PPARG: variants seen among roughly 807,000 people sequenced by gnomAD.
The protein encoded by PPARG is peroxisome proliferator activated receptor gamma.
In PPARG, 17 loss-of-function variants were observed where a neutral mutation model predicts 39.2. The ratio of observed to expected loss-of-function variants is 0.43; its 90% CI spans 0.30 to 0.65. The LOEUF is 0.65. Among genes scored for constraint, PPARG ranks in the 30% least tolerant of loss-of-function variants. PPARG has a pLI of 0.13. For synonymous variants in PPARG, 223 were observed against 215.7 expected (o/e 1.03, Z -0.30); for missense variants, 406 against 585.9 (o/e 0.69, Z 3.17).
chr3:12,429,455 C>T (rs184091862), intron 7 of PPARG, among the ~76,000 whole-genome samples: 4 of 150,886 alleles, frequency 2.7e-5, no homozygotes, highest in Non-Finnish European at 5.9e-5. Flanking sequence ...CGGTGGCTCC[C>T]GCTTGTCATC....
chr3:12,296,254 C>CAAAAAAA (rs545210244), intron 1 of PPARG, among the ~76,000 whole-genome samples: 115 of 48,256 alleles, frequency 2.4e-3, no homozygotes, highest in Non-Finnish European at 3.0e-3. Context: ...CACTTTGTCT[C>CAAAAAAA]AAAAAAAAAA....
chr3:12,422,873 T>A (rs1288404800), intron 7 of PPARG, among the ~76,000 whole-genome samples: 1 of 132,214 alleles, frequency 7.6e-6, no homozygotes, highest in African/African-American at 3.2e-5. Context: ...CAGAGTGAGA[T>A]CCTGTCTCAA....
At chr3:12,381,157 C>G (rs552489820) in intron 3 of PPARG, among the ~76,000 whole-genome samples, 165 bp from the exon 4 acceptor site, 3 of 152,218 alleles carry the variant, frequency 2.0e-5, no homozygotes, top group African/African-American at 7.2e-5. Context: ...GATTACAAAC[C>G]TTTCTTTTTC....
At position 12,381,470 on chromosome 3, in the gene PPARG, T is replaced by A. The variant is rs751417943; in HGVS notation, c.369T>A (p.Val123=). Residue 123 remains valine (V), a synonymous_variant, in exon 4 of 8, where the codon GTT becomes GTA. Coordinates refer to ENST00000651735, the MANE Select transcript of PPARG (RefSeq NM_138711.6). The part of the protein sequence containing the change: ...GDKASGFHYG[V]HACEGCKGFF... Reference sequence around the variant, plus strand: ...AAGCTTCTGGATTTCACTATGGAGTTCATGCTTGTGAAGGATGCAAGGTAA... The same window carrying A: ...AAGCTTCTGGATTTCACTATGGAGTACATGCTTGTGAAGGATGCAAGGTAA... 12 of 1,613,600 alleles carry A rather than the reference T, an allele frequency of 7.4e-6. No individual in the cohort carries two copies. The highest frequency in any genetic ancestry group is 1.0e-5 in the Non-Finnish European group (12 of 1,179,706).
At chr3:12,379,445 G>C (rs983921179) in intron 2 of PPARG, among the ~76,000 whole-genome samples, 3 of 152,160 alleles carry the variant, frequency 2.0e-5, no homozygotes, top group African/African-American at 4.8e-5. Flanking sequence ...TTGGCAAAAA[G>C]GCATTTATAT....
At chr3:12,344,578 A>G (rs963630222) in intron 2 of PPARG, among the ~76,000 whole-genome samples, 1 of 152,218 alleles carries the variant, frequency 6.6e-6, no homozygotes, top group African/African-American at 2.4e-5. Flanking sequence ...TGAAGAAAAT[A>G]TGTCTACTTC....
rs869086237 is a variant in PPARG at position 12,417,902 on chromosome 3, C to CTTTTTTTTTTTTTTTTTTT, written c.1180+753_1180+771dup. Among the ~76,000 whole-genome samples, 79 of 65,892 alleles carry CTTTTTTTTTTTTTTTTTTT rather than the reference C, an allele frequency of 1.2e-3. 4 individuals carry two copies. Among genetic ancestry groups the CTTTTTTTTTTTTTTTTTTT allele is most frequent in the African/African-American group, 1.8e-3 (31 of 16,962 alleles). 43.2% of individuals were successfully genotyped at this position (65,892 alleles called of 152,430 possible). Reference sequence around the variant, plus strand: ...CTTTTTTTTTTCTTTTTTTTTTTTCCTTTTTTTTTTTTTTTTTTTTTTTGT... The same window carrying CTTTTTTTTTTTTTTTTTTT: ...CTTTTTTTTTTCTTTTTTTTTTTTCCTTTTTTTTTTTTTTTTTTTTTTTTTTTTTTTTTTTTTTTTTTGT... On this transcript the variant is annotated intron_variant, in intron 7 of 7. Coordinates refer to ENST00000651735, the MANE Select transcript of PPARG (RefSeq NM_138711.6).
At chr3:12,384,558 A>G (rs1263966127) in intron 4 of PPARG, among the ~76,000 whole-genome samples, 1 of 152,172 alleles carries the variant, frequency 6.6e-6, no homozygotes, top group Non-Finnish European at 1.5e-5. Context: ...TTTCTCATCT[A>G]GAAAATGATT....
chr3:12,433,800 G>C, intron 7 of PPARG, 98 bp from the exon 8 acceptor site: 3 of 1,553,518 alleles, frequency 1.9e-6, no homozygotes, highest in Non-Finnish European at 2.7e-6. Flanking sequence ...CAAAAATACA[G>C]ATGAGTTGCT....
At chr3:12,379,165 C>T (rs1200770323) in intron 2 of PPARG, among the ~76,000 whole-genome samples, 2 of 151,890 alleles carry the variant, frequency 1.3e-5, no homozygotes, top group African/African-American at 2.4e-5. Context: ...CTACCACACC[C>T]GGCCAATTTT....
At chr3:12,377,521 A>T (rs1483138527) in intron 2 of PPARG, among the ~76,000 whole-genome samples, 4 of 152,210 alleles carry the variant, frequency 2.6e-5, no homozygotes, top group Admixed American at 6.5e-5. Flanking sequence ...TCCCTTTAAA[A>T]TTTTTTTATT....
chr3:12,363,680 A>C (rs564631421), intron 2 of PPARG, among the ~76,000 whole-genome samples: 1 of 152,272 alleles, frequency 6.6e-6, no homozygotes, highest in Middle Eastern at 3.4e-3. Flanking sequence ...GTACTCTGGC[A>C]GATCTGCGGT....
At chr3:12,431,422 C>A (rs2051654878) in intron 7 of PPARG, among the ~76,000 whole-genome samples, 1 of 151,500 alleles carries the variant, frequency 6.6e-6, no homozygotes, top group African/African-American at 2.4e-5. Flanking sequence ...ACAAAGAATA[C>A]CAAATCAAAT....
At position 12,379,554 on chromosome 3, in the gene PPARG, T is replaced by C. The variant is rs569317144; in HGVS notation, c.-8-150T>C. On this transcript the variant is annotated intron_variant, in intron 2 of 7. Coordinates refer to ENST00000651735, the MANE Select transcript of PPARG (RefSeq NM_138711.6). ...TATCATAAAACAGCCTAGACAGCAC[T>C]AAGAAGGTGGTTATGTTCTTTTCTG... is the stretch of plus-strand genomic sequence containing the variant. 1.5e-3 allele frequency: 1,063 copies of C among 711,572 alleles called. 8 individuals are homozygous for C. The highest frequency in any genetic ancestry group is 1.1e-4 in the Non-Finnish European group (47 of 412,006). 44.1% of individuals were successfully genotyped at this position (711,572 alleles called of 1,614,324 possible). A position where few individuals can be genotyped will look rare whatever the true frequency, so the allele number is the denominator to read the frequency against.
At chr3:12,406,532 CTTTTTTT>C (rs10540594) in intron 6 of PPARG, 20 of 60,492 alleles carry the variant, frequency 3.3e-4, no homozygotes, top group East Asian at 1.9e-3. Flanking sequence ...AGAGTTACCT[CTTTTTTT>C]TTTTTTTTTT....
chr3:12,334,567 C>A (rs530682173), intron 2 of PPARG, among the ~76,000 whole-genome samples: 1 of 152,022 alleles, frequency 6.6e-6, no homozygotes, highest in Non-Finnish European at 1.5e-5. Flanking sequence ...AGAGTTTACT[C>A]CCTGGTTGAA....
At chr3:12,310,031 A>C (rs1450233135) in intron 1 of PPARG, among the ~76,000 whole-genome samples, 1 of 151,704 alleles carries the variant, frequency 6.6e-6, no homozygotes, top group African/African-American at 2.4e-5. Context: ...CTTGGTGTCT[A>C]CTCCCCCCAG....
chr3:12,314,626 T>C (rs2125003525), intron 2 of PPARG, among the ~76,000 whole-genome samples: 1 of 152,234 alleles, frequency 6.6e-6, no homozygotes, highest in African/African-American at 2.4e-5. Flanking sequence ...CGTTCAACAG[T>C]GTCAGAGGCA....
chr3:12,388,717 A>G (rs4135329), intron 4 of PPARG, among the ~76,000 whole-genome samples: 17,419 of 152,194 alleles, frequency 0.11, 3,250 homozygotes, highest in African/African-American at 0.39. Context: ...CTACCTGGGG[A>G]AAGCAGAAAT....
Sources: allele counts gnomAD v4.1 joint callset (sites outside exome capture counted in the v4.1 genomes callset), GRCh38; gene constraint gnomAD v4.1.1; transcripts MANE v1.5; gene names NCBI Gene and HGNC (gene_info 2026-07-23, HGNC 2026-07-21).